NGEF: variants seen among roughly 807,000 people sequenced by gnomAD.
NGEF encodes the protein neuronal guanine nucleotide exchange factor.
NGEF carries 31 observed loss-of-function variants against 80.9 expected under a neutral mutation model. That is an observed-to-expected ratio of 0.38 (90% confidence interval 0.29 to 0.52). The LOEUF (loss-of-function observed/expected upper bound fraction) is 0.52. NGEF is among the 20% of genes least tolerant of loss of function. NGEF has a pLI of 0.84. For synonymous variants in NGEF, 371 were observed against 370.2 expected, an observed-to-expected ratio of 1.00 and a Z score of -0.03; for missense variants, 709 against 926.2, an observed-to-expected ratio of 0.77 and a Z score of 3.04.
At position 232,883,391 on chromosome 2, in the gene NGEF, C is replaced by T. The variant is rs368730371; in HGVS notation, c.1677G>A (p.Thr559=). Residue 559 remains threonine (T), a synonymous_variant, in exon 12 of 15, where the codon ACG becomes ACA. Coordinates refer to ENST00000264051, the MANE Select transcript of NGEF (RefSeq NM_019850.3). Reference sequence around the variant, plus strand: ...GCCGCAGGATGAACACGTTGGCCAGCGTCTGGCCCTGGTCCTCCAGCTCCT... The same window carrying T: ...GCCGCAGGATGAACACGTTGGCCAGTGTCTGGCCCTGGTCCTCCAGCTCCT... ...RVEELEDQGQ[T]LANVFILRLL... is the part of the protein sequence containing the mutation. 4.3e-6 allele frequency: 7 copies of T among 1,612,104 alleles called. No individual in the cohort carries two copies. Among genetic ancestry groups the T allele is most frequent in the South Asian group, 1.1e-5 (1 of 90,710 alleles).
chr2:232,967,406 C>T (rs151131516), intron 3 of NGEF, among the ~76,000 whole-genome samples: 6,203 of 152,204 alleles, frequency 0.041, 412 homozygotes, highest in African/African-American at 0.14. Flanking sequence ...ATGATCTCAG[C>T]TCACTGCAAC....
chr2:233,013,035 T>C, intron 1 of NGEF, 33 bp downstream of exon 1: 2 of 458,982 alleles, frequency 4.4e-6, no homozygotes, highest in Admixed American at 2.5e-5. Flanking sequence ...TCTCATTTTA[T>C]TTTTTTAAAA....
chr2:232,965,408 GACCC>G (rs1694036586), intron 3 of NGEF, among the ~76,000 whole-genome samples: 1 of 152,162 alleles, frequency 6.6e-6, no homozygotes, highest in South Asian at 2.1e-4. Context: ...TTGCATCAGG[GACCC>G]AGTATGAGAA....
intron 1 of NGEF, among the ~76,000 whole-genome samples, chr2:233,002,955 C>A (rs1438912758): frequency 1.3e-5 from 2 of 152,176 alleles, no homozygotes; most frequent in Non-Finnish European, 2.9e-5. Context: ...GCCCTTCTTA[C>A]ACTGACCTCA....
chr2:232,907,334 T>C (rs1692590095), intron 5 of NGEF, among the ~76,000 whole-genome samples: 1 of 152,182 alleles, frequency 6.6e-6, no homozygotes, highest in Non-Finnish European at 1.5e-5. Context: ...CTGCTGCTTT[T>C]GTAGCTAAAG....
At chr2:232,988,691 G>A (rs1694590264) in intron 1 of NGEF, among the ~76,000 whole-genome samples, 1 of 152,202 alleles carries the variant, frequency 6.6e-6, no homozygotes, top group African/African-American at 2.4e-5. Context: ...GCATCATCCT[G>A]GAGCCAGTGA....
intron 5 of NGEF, among the ~76,000 whole-genome samples, chr2:232,906,593 A>T (rs1352201372): frequency 2.0e-5 from 1 of 50,844 alleles, no homozygotes; most frequent in African/African-American, 6.7e-5. Flanking sequence ...GGCCACCCCT[A>T]CTGGGAAGTG....
At chr2:232,990,302 T>G (rs1328927121) in intron 1 of NGEF, among the ~76,000 whole-genome samples, 3 of 152,002 alleles carry the variant, frequency 2.0e-5, no homozygotes, top group Admixed American at 6.6e-5. Flanking sequence ...GCCAGAAAAC[T>G]CAGGATAATT....
intron 9 of NGEF, among the ~76,000 whole-genome samples, chr2:232,885,818 G>C (rs892308152): frequency 1.3e-5 from 2 of 152,210 alleles, no homozygotes; most frequent in Non-Finnish European, 2.9e-5. Flanking sequence ...GCCCGGCACA[G>C]GGCCAGGCTC....
chr2:232,962,628 T>C (rs1486410801), intron 3 of NGEF, among the ~76,000 whole-genome samples: 2 of 151,986 alleles, frequency 1.3e-5, no homozygotes, highest in Non-Finnish European at 2.9e-5. Flanking sequence ...TTTTACATAC[T>C]ACCAAAAAAT....
rs144742722 is a variant in NGEF, at chr2:232,930,288, A to AAG, written c.384-3104_384-3103dup. Among the ~76,000 whole-genome samples the AAG allele has an allele frequency of 6.3e-3, 951 of 149,898 alleles. 10 individuals are homozygous for AAG. Among genetic ancestry groups the AAG allele is most frequent in the East Asian group, 0.022 (110 of 5,066 alleles). On this transcript the variant is annotated intron_variant, in intron 3 of 14. Coordinates refer to ENST00000264051, the MANE Select transcript of NGEF (RefSeq NM_019850.3). ...TCTTATGGTAGCCCCATATGATGCAAAGAGAGAGAGAGAGTACTCTGGGCT... is the reference window on the plus strand; with the variant it reads ...TCTTATGGTAGCCCCATATGATGCAAAGAGAGAGAGAGAGAGTACTCTGGGCT...
intron 3 of NGEF, among the ~76,000 whole-genome samples, chr2:232,967,008 A>AT (rs1480185910): frequency 6.6e-6 from 1 of 152,076 alleles, no homozygotes; most frequent in East Asian, 1.9e-4. Context: ...TATAGTTTGT[A>AT]TTTTTGTCCC....
intron 1 of NGEF, among the ~76,000 whole-genome samples, chr2:232,989,638 A>G (rs1357527776): frequency 6.6e-6 from 1 of 152,236 alleles, no homozygotes; most frequent in African/African-American, 2.4e-5. Context: ...GCTATGCAGC[A>G]GAGAAATGAG....
intron 1 of NGEF, among the ~76,000 whole-genome samples, chr2:233,008,319 G>A (rs896456075): frequency 6.6e-6 from 1 of 152,134 alleles, no homozygotes; most frequent in African/African-American, 2.4e-5. Flanking sequence ...AGAGGAGCAG[G>A]CAGTTTTGCC....
At chr2:232,884,225 C>T in intron 10 of NGEF, 81 bp from the exon 11 acceptor site, 1 of 1,393,420 alleles carries the variant, frequency 7.2e-7, no homozygotes, top group Non-Finnish European at 9.4e-7. Context: ...GCGTCTGTCA[C>T]ATTCCCTGAC....
At chr2:232,976,087 G>A (rs1694286798) in intron 1 of NGEF, among the ~76,000 whole-genome samples, 1 of 152,140 alleles carries the variant, frequency 6.6e-6, no homozygotes, top group South Asian at 2.1e-4. Flanking sequence ...TGTAGTCCCA[G>A]CTTCTCGGGA....
chr2:232,929,162 G>A (rs1693164174), intron 3 of NGEF, among the ~76,000 whole-genome samples: 1 of 152,242 alleles, frequency 6.6e-6, no homozygotes, highest in Non-Finnish European at 1.5e-5. Flanking sequence ...GAAACCCCAG[G>A]GGCAGGGGTG....
chr2:232,953,322 A>G (rs1490319542), intron 3 of NGEF, among the ~76,000 whole-genome samples: 3 of 143,448 alleles, frequency 2.1e-5, no homozygotes, highest in Non-Finnish European at 4.6e-5. Flanking sequence ...AAAAAAAAAG[A>G]AAAAGAAAGA....
intron 3 of NGEF, among the ~76,000 whole-genome samples, chr2:232,941,637 G>A (rs1184332764): frequency 1.3e-5 from 2 of 152,106 alleles, no homozygotes; most frequent in Non-Finnish European, 2.9e-5. Context: ...ATGTAATAAG[G>A]GGGAGAAAGT....
Sources: gnomAD v4.1 joint callset for allele counts (sites outside exome capture counted in the v4.1 genomes callset) on GRCh38, gnomAD v4.1.1 for gene constraint, MANE v1.5 for transcripts, NCBI Gene and HGNC (gene_info 2026-07-23, HGNC 2026-07-21) for gene names.